PRKAR2B: variants seen among roughly 807,000 people sequenced by gnomAD.
PRKAR2B encodes protein kinase cAMP-dependent type II regulatory subunit beta, also known as cAMP-dependent protein kinase type II-beta regulatory subunit.
PRKAR2B carries 14 observed loss-of-function variants against 49.9 expected under a neutral mutation model. That is an observed-to-expected ratio of 0.28 (90% CI 0.19 to 0.44). The LOEUF is 0.44. PRKAR2B is among the 20% of genes least tolerant of loss of function. The pLI is 1.00. For missense variants in PRKAR2B, 393 were observed against 537.9 expected (o/e 0.73, Z 2.67); for synonymous variants, 196 against 197.7 (o/e 0.99, Z 0.07).
At chr7:107,049,400 A>C (rs1484345419) in intron 1 of PRKAR2B, among the ~76,000 whole-genome samples, 1 of 152,094 alleles carries the variant, frequency 6.6e-6, no homozygotes, top group African/African-American at 2.4e-5. Flanking sequence ...ATACCCCATA[A>C]GACAAGCATA....
intron 2 of PRKAR2B, 138 bp downstream of exon 2, chr7:107,070,454 T>G: frequency 1.4e-6 from 1 of 720,614 alleles, no homozygotes; most frequent in Non-Finnish European, 2.2e-6. Context: ...AAAACACAAC[T>G]ATCTGATATA....
intron 2 of PRKAR2B, among the ~76,000 whole-genome samples, chr7:107,114,372 G>GTGTT (rs1554369769): frequency 2.4e-5 from 3 of 123,770 alleles, no homozygotes; most frequent in African/African-American, 9.1e-5. Context: ...GTGTGTGTGT[G>GTGTT]TGTGTTTGAG....
chr7:107,134,459 T>A (rs1469934385), intron 4 of PRKAR2B, among the ~76,000 whole-genome samples: 1 of 152,266 alleles, frequency 6.6e-6, no homozygotes, highest in Non-Finnish European at 1.5e-5. Flanking sequence ...TAAAGCTAAA[T>A]CATGATAACA....
At chr7:107,136,530 A>G (rs1449951146) in intron 4 of PRKAR2B, among the ~76,000 whole-genome samples, 2 of 152,308 alleles carry the variant, frequency 1.3e-5, no homozygotes, top group Admixed American at 1.3e-4. Context: ...AAGAAGATAT[A>G]CAAATGGCAC....
chr7:107,079,817 CA>C (rs1794482596), intron 2 of PRKAR2B, among the ~76,000 whole-genome samples: 1 of 152,108 alleles, frequency 6.6e-6, no homozygotes, highest in African/African-American at 2.4e-5. Context: ...GAAACAAGGA[CA>C]CTCTGGATGA....
chr7:107,144,786 CTTTTTTT>C (rs11414978), intron 5 of PRKAR2B, among the ~76,000 whole-genome samples: 3 of 81,916 alleles, frequency 3.7e-5, no homozygotes, highest in African/African-American at 5.4e-5. Context: ...TTAAAAGCCA[CTTTTTTT>C]TTTTTTTTTT....
chr7:107,136,989 G>A (rs1171808135), intron 4 of PRKAR2B, among the ~76,000 whole-genome samples: 1 of 152,126 alleles, frequency 6.6e-6, no homozygotes, highest in Admixed American at 6.5e-5. Context: ...GTTATGAAAA[G>A]ACATGGAAGA....
chr7:107,117,072 G>A (rs917680412), intron 2 of PRKAR2B, among the ~76,000 whole-genome samples: 1 of 120,426 alleles, frequency 8.3e-6, no homozygotes, highest in Admixed American at 9.3e-5. Context: ...CCCCCTAAAT[G>A]CCCCCAATGA....
At chr7:107,156,022 G>A (rs949513527) in intron 8 of PRKAR2B, among the ~76,000 whole-genome samples, 6 of 152,220 alleles carry the variant, frequency 3.9e-5, no homozygotes, top group Admixed American at 1.3e-4. Context: ...ACTAAACACC[G>A]AATGTTCTCA....
rs188680979 is a variant in PRKAR2B at position 107,144,657 on chromosome 7, T to A, written c.588-1651T>A. Among the ~76,000 whole-genome samples the A allele has an allele frequency of 2.1e-3, 311 of 151,026 alleles. 3 individuals are homozygous for A. Among genetic ancestry groups the A allele is most frequent in the African/African-American group, 7.1e-3 (293 of 41,124 alleles). On this transcript the variant is annotated intron_variant, in intron 5 of 10. Coordinates refer to ENST00000265717, the MANE Select transcript of PRKAR2B (RefSeq NM_002736.3). Reference sequence around the variant, plus strand: ...TTGGTTTTTTGTAGAGACAGAGTCTTGCTATGTTGCCCAGGCTGGTCTTGA... The same window carrying A: ...TTGGTTTTTTGTAGAGACAGAGTCTAGCTATGTTGCCCAGGCTGGTCTTGA...
chr7:107,053,548 G>A (rs1793851472), intron 1 of PRKAR2B, among the ~76,000 whole-genome samples: 1 of 151,558 alleles, frequency 6.6e-6, no homozygotes, highest in South Asian at 2.1e-4. Flanking sequence ...GTGTGTGTGT[G>A]TGTGTGTGTG....
At chr7:107,139,475 A>G (rs1795754958) in intron 4 of PRKAR2B, among the ~76,000 whole-genome samples, 1 of 152,208 alleles carries the variant, frequency 6.6e-6, no homozygotes, top group Admixed American at 6.5e-5. Context: ...TTTTGAAGGA[A>G]GGTGTCAACT....
At chr7:107,139,783 T>G (rs1795759490) in intron 4 of PRKAR2B, among the ~76,000 whole-genome samples, 1 of 152,224 alleles carries the variant, frequency 6.6e-6, no homozygotes. Context: ...AGGGAGAGAA[T>G]CACATGTGAT....
chr7:107,149,838 T>C (rs1203400734), intron 6 of PRKAR2B, among the ~76,000 whole-genome samples: 1 of 152,176 alleles, frequency 6.6e-6, no homozygotes, highest in Non-Finnish European at 1.5e-5. Context: ...TAAAATTGTA[T>C]ATTTTAAAAT....
chr7:107,045,209 T>C lies in PRKAR2B; in HGVS notation c.302T>C (p.Phe101Ser). ...GCGGCGCCCGCGGACGCAGGGGCGT[T>C]CAATGGTGAGGACCAGACCCCCCAC... ...EEAAPADAGA[F>S]NAPVINRFTR... The change falls in exon 1 of 11, where the codon TTC (phenylalanine) becomes TCC (serine). Residue 101 changes from phenylalanine (F) to serine (S), a missense_variant. By Grantham distance (155) the Phe-to-Ser change is radical. This residue lies in a region of PRKAR2B where 160 missense variants were observed against 147.6 expected (regional missense o/e 1.08). Coordinates refer to ENST00000265717, the MANE Select transcript of PRKAR2B (RefSeq NM_002736.3). 6.9e-7 allele frequency: 1 copy of C among 1,452,176 alleles called. No homozygotes were observed. The highest frequency in any genetic ancestry group is 9.1e-7 in the Non-Finnish European group (1 of 1,103,596). The allele number at this position is 1,452,176 out of a possible 1,614,324, so 90.0% of individuals were successfully genotyped here. A position where few individuals can be genotyped will look rare whatever the true frequency, so the allele number is the denominator to read the frequency against.
intron 1 of PRKAR2B, among the ~76,000 whole-genome samples, chr7:107,067,934 CT>C (rs895614141): frequency 5.9e-5 from 9 of 151,944 alleles, no homozygotes; most frequent in African/African-American, 1.9e-4. Context: ...TATAAATGGA[CT>C]TTTTTTTGCC....
intron 5 of PRKAR2B, among the ~76,000 whole-genome samples, chr7:107,143,720 T>C (rs1186144473): frequency 6.6e-6 from 1 of 152,216 alleles, no homozygotes; most frequent in Non-Finnish European, 1.5e-5. Context: ...CTTTGCTTTC[T>C]GGTGGTTCAA....
Position 107,156,989 on chromosome 7 carries a change from T to C in PRKAR2B, c.924T>C (p.Asp308=). 6.2e-7 allele frequency: 1 copy of C among 1,609,756 alleles called. No homozygotes were observed. Among genetic ancestry groups the C allele is most frequent in the Non-Finnish European group, 8.5e-7 (1 of 1,176,092 alleles). The change falls in exon 9 of 11, where the codon GAT becomes GAC. Residue 308 remains aspartate (D), a synonymous_variant. Transcript: ENST00000265717. ...TTTGTTATTGATTCCAATAGGGAGA[T>C]TCGGCTGATTCTTTTTTCATTGTAG... is the stretch of plus-strand genomic sequence containing the variant. ...NDGEQIIAQG[D]SADSFFIVES...
chr7:107,068,360 A>G (rs1794195847), intron 1 of PRKAR2B, among the ~76,000 whole-genome samples: 1 of 150,778 alleles, frequency 6.6e-6, no homozygotes, highest in Non-Finnish European at 1.5e-5. Flanking sequence ...ATCTGCTTGC[A>G]CTCTCCGTTC....
Sources: gnomAD v4.1 joint callset for allele counts (sites outside exome capture counted in the v4.1 genomes callset) on GRCh38, gnomAD v4.1.1 for gene constraint, gnomAD v4.1.1 regional missense constraint, MANE v1.5 for transcripts, NCBI Gene and HGNC (gene_info 2026-07-23, HGNC 2026-07-21) for gene names.